Variants in WNT4 observed in about 807,000 individuals in gnomAD.
WNT4 encodes protein Wnt-4.
In WNT4, 16 loss-of-function variants were observed where a neutral mutation model predicts 34.5. The observed-to-expected ratio is 0.46, with a 90% CI of 0.31 to 0.70. The LOEUF (loss-of-function observed/expected upper bound fraction) is 0.70, where lower values mean the gene tolerates loss of function less well. Among genes scored for constraint, WNT4 ranks in the 30% least tolerant of loss-of-function variants. The pLI is 0.04. For missense variants in WNT4, 379 were observed against 495.9 expected (o/e 0.76, Z 2.24); for synonymous variants, 200 against 211.9 (o/e 0.94, Z 0.49).
At chr1:22,129,181 A>G (rs1419178174) in intron 2 of WNT4, among the ~76,000 whole-genome samples, 4 of 152,162 alleles carry the variant, frequency 2.6e-5, no homozygotes, top group African/African-American at 9.7e-5. Flanking sequence ...CTGGAGGCCA[A>G]GTGCTGGGGT....
rs1218802414 is a variant in WNT4, at chr1:22,127,753, T to C, written c.313+1863A>G. On this transcript the variant is annotated intron_variant, in intron 2 of 4. Transcript: ENST00000290167. ...CTACTTTTGCAACTCTTCTGTAAGT[T>C]TGAAATTATGATTTTAAAAAAATCC... 2.6e-5 allele frequency among the ~76,000 whole-genome samples: 4 copies of C among 152,138 alleles called. 1 individual carries two copies. The highest frequency in any genetic ancestry group is 4.1e-4 in the South Asian group (2 of 4,822).
At position 22,129,713 on chromosome 1, in the gene WNT4, C is replaced by T. The variant is rs200709414; in HGVS notation, c.216G>A (p.Gln72=). Residue 72 remains glutamine (Q), a synonymous_variant, in exon 2 of 5, where the codon CAG becomes CAA. Transcript: ENST00000290167. ...EVMDSVRRGA[Q]LAIEECQYQF... Reference sequence around the variant, plus strand: ...GGTACTGGCACTCCTCAATGGCCAGCTGGGCACCGCGGCGCACCGAGTCCA... The same window carrying T: ...GGTACTGGCACTCCTCAATGGCCAGTTGGGCACCGCGGCGCACCGAGTCCA... 1.9e-6 allele frequency: 3 copies of T among 1,613,982 alleles called. No homozygotes were observed. Among genetic ancestry groups the T allele is most frequent in the Non-Finnish European group, 2.5e-6 (3 of 1,180,034 alleles).
intron 2 of WNT4, among the ~76,000 whole-genome samples, chr1:22,127,728 C>T (rs1291306176): frequency 6.6e-6 from 1 of 152,182 alleles, no homozygotes; most frequent in Non-Finnish European, 1.5e-5. Flanking sequence ...ATTACTTGTC[C>T]TACTTTTGCA....
At position 22,134,553 on chromosome 1, in the gene WNT4, G is replaced by C. The variant is rs1295741920; in HGVS notation, c.78-4702C>G. On this transcript the variant is annotated intron_variant, in intron 1 of 4. Coordinates refer to ENST00000290167, the MANE Select transcript of WNT4 (RefSeq NM_030761.5). The surrounding 1 kb of genome is among the most constrained non-coding windows in gnomAD (Gnocchi z 4.1). ...GAAAGGACATGGACCAGGGACTCCT[G>C]GGTCCAAATGTCATCCTTGTGTTGC... Among the ~76,000 whole-genome samples, 1 of 152,170 alleles carries C rather than the reference G, an allele frequency of 6.6e-6. No homozygotes were observed. Among genetic ancestry groups the C allele is most frequent in the Non-Finnish European group, 1.5e-5 (1 of 68,034 alleles).
Position 22,119,934 on chromosome 1 carries a change from C to G in WNT4, c.*116G>C. 7.3e-7 allele frequency: 1 copy of G among 1,376,140 alleles called. No individual in the cohort carries two copies. The highest frequency in any genetic ancestry group is 9.9e-7 in the Non-Finnish European group (1 of 1,014,372). The allele number at this position is 1,376,140 out of a possible 1,614,324, so 85.2% of individuals were successfully genotyped here. A position where few individuals can be genotyped will look rare whatever the true frequency, so the allele number is the denominator to read the frequency against. On this transcript the variant is annotated 3_prime_UTR_variant, in exon 5 of 5. Transcript: ENST00000290167. The stretch of plus-strand genomic sequence containing the variant: ...ATAAATAACATGAGGACCCAAAAAC[C>G]AAACCAGAACAAAAAATACAACCAG...
chr1:22,138,402 G>GC (rs36031493), intron 1 of WNT4, among the ~76,000 whole-genome samples: 25,616 of 149,102 alleles, frequency 0.17, 2,564 homozygotes, highest in East Asian at 0.49. Flanking sequence ...GAATGATTTT[G>GC]CCCGCCCCCC....
intron 2 of WNT4, among the ~76,000 whole-genome samples, chr1:22,124,462 A>G (rs1645926092): frequency 6.6e-6 from 1 of 152,282 alleles, no homozygotes; most frequent in South Asian, 2.1e-4. Flanking sequence ...CCAAGGTGCT[A>G]AGGCTGCCTG....
Position 22,129,846 on chromosome 1 carries a change from A to G in WNT4, c.83T>C (p.Leu28Pro), listed in dbSNP as rs1645969612. 6.2e-7 allele frequency: 1 copy of G among 1,613,298 alleles called. No individual in the cohort carries two copies. Among genetic ancestry groups the G allele is most frequent in the Non-Finnish European group, 8.5e-7 (1 of 1,179,944 alleles). The stretch of plus-strand genomic sequence containing the variant: ...GCTCCCCACCGACGACAGCTTGGCC[A>G]GGTACCTGGGGAGAGGGTGACACGT... The part of the protein sequence containing the change: ...FSAAASNWLY[L>P]AKLSSVGSIS... The change falls in exon 2 of 5, where the codon CTG becomes CCG. Residue 28 changes from leucine to proline, a missense_variant. Transcript: ENST00000290167.
chr1:22,123,981 C>T (rs1474048241), intron 2 of WNT4, among the ~76,000 whole-genome samples: 1 of 152,222 alleles, frequency 6.6e-6, no homozygotes, highest in Non-Finnish European at 1.5e-5. Flanking sequence ...AAGCTGATGG[C>T]GGCTCCTCCA....
At position 22,134,975 on chromosome 1, in the gene WNT4, A is replaced by G. The variant is rs1646011277; in HGVS notation, c.78-5124T>C. Among the ~76,000 whole-genome samples the G allele has an allele frequency of 6.6e-6, 1 of 152,028 alleles. No individual in the cohort carries two copies. The highest frequency in any genetic ancestry group is 1.5e-5 in the Non-Finnish European group (1 of 68,018). Reference sequence around the variant, plus strand: ...AGTGGATGACCTCAGCAGCCATCCCAATGGCAGGCTTTTGACAGAGTCTCC... The same window carrying G: ...AGTGGATGACCTCAGCAGCCATCCCGATGGCAGGCTTTTGACAGAGTCTCC... On this transcript the variant is annotated intron_variant, in intron 1 of 4. Coordinates refer to ENST00000290167, the MANE Select transcript of WNT4 (RefSeq NM_030761.5). The surrounding 1 kb of genome is among the most constrained non-coding windows in gnomAD (Gnocchi z 4.1).
intron 2 of WNT4, among the ~76,000 whole-genome samples, chr1:22,125,805 A>G (rs1471089095): frequency 6.6e-6 from 1 of 152,104 alleles, no homozygotes; most frequent in African/African-American, 2.4e-5. Context: ...CCACCTGCCC[A>G]GGCACACCTT....
rs1380037152 is a variant in WNT4 at position 22,121,283 on chromosome 1, C to T, written c.516G>A (p.Val172=). The change falls in exon 4 of 5, where the codon GTG becomes GTA. Residue 172 remains valine (V), a synonymous_variant. Coordinates refer to ENST00000290167, the MANE Select transcript of WNT4 (RefSeq NM_030761.5). ...GVAFSQSFVD[V]RERSKGASSS... ...ACGAGGCCCCCTTGCTTCTCTCCCG[C>T]ACATCCACAAACGACTGTGAGAAGG... 6.2e-7 allele frequency: 1 copy of T among 1,614,032 alleles called. No homozygotes were observed. Among genetic ancestry groups the T allele is most frequent in the African/African-American group, 1.3e-5 (1 of 74,910 alleles).
rs1204745171 is a variant in WNT4, at chr1:22,120,313, G to A, written c.793C>T (p.His265Tyr). ...AAGTACACCAGGTCCTCATCTGTGT[G>A]CGGCTTGAACTGTGCGTTGCGTGGC... ...LVPRNAQFKP[H>Y]TDEDLVYLEP... The change falls in exon 5 of 5, where the codon CAC (histidine) becomes TAC (tyrosine). Residue 265 changes from histidine to tyrosine, a missense_variant. Transcript: ENST00000290167. 1 of 1,614,120 alleles carries A rather than the reference G, an allele frequency of 6.2e-7. No homozygotes were observed. Among genetic ancestry groups the A allele is most frequent in the Non-Finnish European group, 8.5e-7 (1 of 1,180,048 alleles).
In WNT4 at chr1:22,119,952, A is replaced by G; in HGVS notation, c.*98T>C. The G allele has an allele frequency of 5.5e-6, 8 of 1,445,786 alleles. No homozygotes were observed. The South Asian group carries it at 9.9e-5, about 18-fold the overall frequency. The allele number at this position is 1,445,786 out of a possible 1,614,324, so 89.6% of individuals were successfully genotyped here. On this transcript the variant is annotated 3_prime_UTR_variant, in exon 5 of 5. Coordinates refer to ENST00000290167, the MANE Select transcript of WNT4 (RefSeq NM_030761.5). ...CAAAAACCAAACCAGAACAAAAAAT[A>G]CAACCAGTATCTCTTGGGGTAGGTG...
At position 22,137,373 on chromosome 1, in the gene WNT4, C is replaced by A. The variant is rs1004931481; in HGVS notation, c.77+5473G>T. Among the ~76,000 whole-genome samples the A allele has an allele frequency of 5.3e-5, 8 of 152,176 alleles. No homozygotes were observed. The highest frequency in any genetic ancestry group is 1.9e-4 in the African/African-American group (8 of 41,450). ...AATCTGGAGAGCAACCCTGGGGTCG[C>A]AGCTCTGCCTGCAGCTGCGCCTGCT... On this transcript the variant is annotated intron_variant, in intron 1 of 4. Transcript: ENST00000290167. The surrounding 1 kb of genome is among the most constrained non-coding windows in gnomAD (Gnocchi z 5.3).
chr1:22,127,908 A>C (rs1645952611), intron 2 of WNT4, among the ~76,000 whole-genome samples: 1 of 152,126 alleles, frequency 6.6e-6, no homozygotes, highest in Non-Finnish European at 1.5e-5. Flanking sequence ...ATGCAAAGGG[A>C]GGAGTGAGAG....
In WNT4 at chr1:22,134,708, G is replaced by A. The variant is rs775110763; in HGVS notation, c.78-4857C>T. On this transcript the variant is annotated intron_variant, in intron 1 of 4. Transcript: ENST00000290167. This position sits in a 1 kb window ranked among gnomAD's most constrained non-coding sequence, Gnocchi z 4.1. Reference sequence around the variant, plus strand: ...GCAGGAGATGCTCGTCCCTGCTGCAGCATTGTCCTAGCAGCACCTTCAAGA... The same window carrying A: ...GCAGGAGATGCTCGTCCCTGCTGCAACATTGTCCTAGCAGCACCTTCAAGA... Among the ~76,000 whole-genome samples the A allele has an allele frequency of 2.6e-5, 4 of 152,150 alleles. No homozygotes were observed. The highest frequency in any genetic ancestry group is 6.5e-5 in the Admixed American group (1 of 15,272).
At chr1:22,120,541 G>A in intron 4 of WNT4, 24 bp from the exon 5 acceptor site, 1 of 1,590,742 alleles carries the variant, frequency 6.3e-7, no homozygotes, top group East Asian at 2.3e-5. Context: ...TGGGGGAGAG[G>A]GGCCATCAGG....
chr1:22,131,299 G>A (rs1029212349), intron 1 of WNT4, among the ~76,000 whole-genome samples: 1 of 152,226 alleles, frequency 6.6e-6, no homozygotes, highest in African/African-American at 2.4e-5. Flanking sequence ...ACCAAGTGAC[G>A]GTTCTTGAAT....
Sources: allele counts gnomAD v4.1 joint callset (sites outside exome capture counted in the v4.1 genomes callset), GRCh38; gene constraint gnomAD v4.1.1; non-coding constraint Gnocchi (gnomAD v3.1); transcripts MANE v1.5; gene names NCBI Gene and HGNC (gene_info 2026-07-23, HGNC 2026-07-21).